KCNQ4: variants seen among roughly 807,000 people sequenced by gnomAD.
The protein encoded by KCNQ4 is potassium voltage-gated channel subfamily Q member 4.
Under a neutral mutation model 72.6 loss-of-function variants are expected in KCNQ4, and 31 were observed. The ratio of observed to expected loss-of-function variants is 0.43; its 90% CI spans 0.32 to 0.58. The LOEUF is 0.58. Among genes scored for constraint, KCNQ4 ranks in the 20% least tolerant of loss-of-function variants. KCNQ4 has a pLI of 0.08. For synonymous variants in KCNQ4, 405 were observed against 403.7 expected, an observed-to-expected ratio of 1.00 and a Z score of -0.04; for missense variants, 869 against 962.6, an observed-to-expected ratio of 0.90 and a Z score of 1.29.
At chr1:40,816,697 A>T (rs1158451123) in intron 1 of KCNQ4, among the ~76,000 whole-genome samples, 1 of 152,154 alleles carries the variant, frequency 6.6e-6, no homozygotes, top group East Asian at 1.9e-4. Context: ...CTGCTGCATC[A>T]TTCCTTCTCT....
chr1:40,801,567 A>C (rs1647574707), intron 1 of KCNQ4, among the ~76,000 whole-genome samples: 1 of 152,248 alleles, frequency 6.6e-6, no homozygotes, highest in Admixed American at 6.5e-5. Flanking sequence ...AACAAGATCA[A>C]GTACCTGCAT....
intron 1 of KCNQ4, among the ~76,000 whole-genome samples, chr1:40,800,538 T>TCCAC (rs1215256642): frequency 2.0e-5 from 3 of 152,140 alleles, no homozygotes; most frequent in Non-Finnish European, 1.5e-5. Flanking sequence ...CAATCCTCCT[T>TCCAC]CCACCCACCC....
chr1:40,820,080 A>T (rs2148320217), intron 6 of KCNQ4, 85 bp from the exon 7 acceptor site: 1 of 1,527,224 alleles, frequency 6.5e-7, no homozygotes, highest in Admixed American at 1.7e-5. Context: ...GGTACCTCAG[A>T]GGGGCAAGGA....
chr1:40,784,239 G>GCAGC lies in KCNQ4; in HGVS notation c.148_151dup (p.Pro51GlnfsTer186). 1 of 1,345,334 alleles carries GCAGC rather than the reference G, an allele frequency of 7.4e-7. No individual in the cohort carries two copies. The highest frequency in any genetic ancestry group is 1.7e-5 in the South Asian group (1 of 57,486). 83.3% of individuals were successfully genotyped at this position (1,345,334 alleles called of 1,614,324 possible). On this transcript the variant is annotated frameshift_variant, in exon 1 of 14. Transcript: ENST00000347132. LOFTEE classifies it high-confidence loss of function. This position sits in a 1 kb window ranked among gnomAD's most constrained non-coding sequence, Gnocchi z 4.1. Reference sequence around the variant, plus strand: ...TCCCCGCGCCGCCTCGGCCTCCTGGGCAGCCCCCTGCCGCCGGGCGCGCCC... The same window carrying GCAGC: ...TCCCCGCGCCGCCTCGGCCTCCTGGGCAGCCAGCCCCCTGCCGCCGGGCGCGCCC...
intron 8 of KCNQ4, 131 bp downstream of exon 8, chr1:40,822,533 T>G: frequency 1.4e-6 from 1 of 699,518 alleles, no homozygotes; most frequent in South Asian, 1.7e-5. Context: ...GGGCTGGCTC[T>G]GCAGATCCTA....
intron 1 of KCNQ4, among the ~76,000 whole-genome samples, chr1:40,814,609 TAGG>T: frequency 6.6e-6 from 1 of 151,626 alleles, no homozygotes; most frequent in Middle Eastern, 3.5e-3. Flanking sequence ...GAGGCTGAGG[TAGG>T]AGGATGGCTT....
intron 1 of KCNQ4, among the ~76,000 whole-genome samples, chr1:40,812,364 T>C (rs1482660495): frequency 1.3e-5 from 2 of 152,158 alleles, no homozygotes; most frequent in African/African-American, 2.4e-5. Context: ...TCAAGCGATC[T>C]TCCCACCTCA....
At chr1:40,799,293 G>T (rs950367727) in intron 1 of KCNQ4, among the ~76,000 whole-genome samples, 1 of 152,240 alleles carries the variant, frequency 6.6e-6, no homozygotes, top group African/African-American at 2.4e-5. Flanking sequence ...GGCGATGTCA[G>T]GGAGGTTTAG....
Position 40,839,502 on chromosome 1 carries a change from G to A in KCNQ4, c.*979G>A, listed in dbSNP as rs2148335989. The A allele has an allele frequency of 6.6e-6, 1 of 152,354 alleles. No individual in the cohort carries two copies. The highest frequency in any genetic ancestry group is 2.1e-4 in the South Asian group (1 of 4,830). The allele number at this position is 152,354 out of a possible 1,614,324, so 9.4% of individuals were successfully genotyped here. On this transcript the variant is annotated 3_prime_UTR_variant, in exon 14 of 14. Coordinates refer to ENST00000347132, the MANE Select transcript of KCNQ4 (RefSeq NM_004700.4). ...TGCAGAGCCACTCAGCCGCTCCTGG[G>A]CCTCTGCAGCAGATGCCAGTGGACT...
chr1:40,838,008 G>A (rs866692180), intron 13 of KCNQ4, among the ~76,000 whole-genome samples: 2 of 134,734 alleles, frequency 1.5e-5, no homozygotes, highest in African/African-American at 5.7e-5. Flanking sequence ...GCATAAGCCC[G>A]CCCATAACCT....
At chr1:40,785,298 C>T (rs1426596747) in intron 1 of KCNQ4, among the ~76,000 whole-genome samples, 1 of 152,202 alleles carries the variant, frequency 6.6e-6, no homozygotes, top group Non-Finnish European at 1.5e-5. Context: ...ACGGCCTGGC[C>T]CAGCCAGGAA....
In KCNQ4 at chr1:40,831,926, A is replaced by G. The variant is rs76598398; in HGVS notation, c.1513+622A>G. 5.1e-3 allele frequency among the ~76,000 whole-genome samples: 773 copies of G among 152,264 alleles called. 9 individuals are homozygous for G. Among genetic ancestry groups the G allele is most frequent in the African/African-American group, 0.018 (741 of 41,560 alleles). ...GGGCACTGAGATCTCTCAGCTTGTG[A>G]GTGGCAGAGGTGCTCTCCTCAAGCA... On this transcript the variant is annotated intron_variant, in intron 10 of 13. Coordinates refer to ENST00000347132, the MANE Select transcript of KCNQ4 (RefSeq NM_004700.4).
rs1648320129 is a variant in KCNQ4, at chr1:40,822,245, G to C, written c.1042-69G>C. 3.0e-6 allele frequency: 4 copies of C among 1,319,006 alleles called. No homozygotes were observed. The Admixed American group carries it at 6.7e-5, about 22-fold the overall frequency. The allele number at this position is 1,319,006 out of a possible 1,614,324, so 81.7% of individuals were successfully genotyped here. ...CTGGACCAAGGACTGGGTTCTTTCA[G>C]GGGAGAGGGCTGGTGGGGACTGAGA... On this transcript the variant is annotated intron_variant, in intron 7 of 13. Transcript: ENST00000347132.
At chr1:40,830,127 TC>T (rs925550398) in intron 9 of KCNQ4, among the ~76,000 whole-genome samples, 22 of 151,934 alleles carry the variant, frequency 1.4e-4, no homozygotes, top group South Asian at 4.2e-4. Flanking sequence ...GTAGGCAGTA[TC>T]GGGGGGTAGA....
intron 8 of KCNQ4, among the ~76,000 whole-genome samples, chr1:40,823,215 C>T (rs1208990114): frequency 2.0e-5 from 3 of 152,202 alleles, no homozygotes; most frequent in Non-Finnish European, 4.4e-5. Context: ...GCCCTAGGGG[C>T]TTCCCAGGGG....
At chr1:40,837,024 A>T (rs1648821349) in intron 12 of KCNQ4, among the ~76,000 whole-genome samples, 2 of 151,584 alleles carry the variant, frequency 1.3e-5, no homozygotes, top group Non-Finnish European at 2.9e-5. Context: ...TCACATTCCC[A>T]CGTGTCTCCA....
intron 5 of KCNQ4, 80 bp downstream of exon 5, chr1:40,819,552 C>A: frequency 6.3e-7 from 1 of 1,582,018 alleles, no homozygotes; most frequent in Non-Finnish European, 8.7e-7. Flanking sequence ...CATCGTGACT[C>A]CTGACTCAGG....
chr1:40,813,984 T>C (rs1466581410), intron 1 of KCNQ4, among the ~76,000 whole-genome samples: 1 of 151,252 alleles, frequency 6.6e-6, no homozygotes, highest in Non-Finnish European at 1.5e-5. Context: ...CCTGACCTTG[T>C]GATCTGCCCA....
At chr1:40,818,816 T>A in intron 4 of KCNQ4, 136 bp downstream of exon 4, 1 of 986,758 alleles carries the variant, frequency 1.0e-6, no homozygotes, top group Non-Finnish European at 1.5e-6. Flanking sequence ...GTTGGAGCCC[T>A]AGCAGGAGGC....
Sources: allele counts gnomAD v4.1 joint callset (sites outside exome capture counted in the v4.1 genomes callset), GRCh38; gene constraint gnomAD v4.1.1; non-coding constraint Gnocchi (gnomAD v3.1); transcripts MANE v1.5; gene names NCBI Gene and HGNC (gene_info 2026-07-23, HGNC 2026-07-21).